Variants in ADCY9 observed in about 807,000 individuals in gnomAD.
The protein encoded by ADCY9 is adenylate cyclase 9.
A neutral mutation model predicts 101.5 loss-of-function variants in ADCY9; 50 were observed. That is an observed-to-expected ratio of 0.49 (90% CI 0.39 to 0.62). The LOEUF (loss-of-function observed/expected upper bound fraction) is 0.62, where lower values mean the gene tolerates loss of function less well. ADCY9 is among the 20% of genes least tolerant of loss of function. The pLI is 0.00. For missense variants in ADCY9, 1,662 were observed against 1,800.4 expected (o/e 0.92, Z 1.39); for synonymous variants, 905 against 769.3 (o/e 1.18, Z -2.92).
At chr16:4,014,640 G>A (rs1048037271) in intron 2 of ADCY9, among the ~76,000 whole-genome samples, 4 of 151,942 alleles carry the variant, frequency 2.6e-5, no homozygotes, top group African/African-American at 4.8e-5. Flanking sequence ...CAGAGAGGGG[G>A]TTTTGCCATG....
chr16:4,021,735 CCATTCTGG>C (rs2056478500), intron 2 of ADCY9, among the ~76,000 whole-genome samples: 1 of 152,192 alleles, frequency 6.6e-6, no homozygotes, highest in Admixed American at 6.5e-5. Flanking sequence ...TTGCCGACAT[CCATTCTGG>C]GTTTTTACTG....
rs767912207 is a variant in ADCY9, at chr16:3,965,801, T to G, written c.4036A>C (p.Lys1346Gln). ...CACACACTCTTTGAAACGTTGAGCT[T>G]GGTGAGTTCGTTGGCTTCTTCTATT... The part of the protein sequence containing the change: ...TGIEEANELT[K>Q]LNVSKSV The change falls in exon 11 of 11, where the codon AAG becomes CAG. Residue 1346 changes from lysine (K) to glutamine (Q), a missense_variant. By Grantham distance (53) the Lys-to-Gln change is moderately conservative. Transcript: ENST00000294016. 1.9e-6 allele frequency: 3 copies of G among 1,613,560 alleles called. No individual in the cohort carries two copies. The highest frequency in any genetic ancestry group is 4.5e-5 in the East Asian group (2 of 44,888).
chr16:3,963,657 G>A lies in ADCY9; in HGVS notation c.*2118C>T. The A allele has an allele frequency of 3.4e-6, 1 of 291,232 alleles. No individual in the cohort carries two copies. Among genetic ancestry groups the A allele is most frequent in the Non-Finnish European group, 6.3e-6 (1 of 158,086 alleles). The allele number at this position is 291,232 out of a possible 1,614,324, so 18.0% of individuals were successfully genotyped here. A position where few individuals can be genotyped will look rare whatever the true frequency, so the allele number is the denominator to read the frequency against. ...GGAAGAAGTGTGTGCGGAGAACTTTGCGGAGCATGTTCTGAGCGAGACAGC... is the reference window on the plus strand; with the variant it reads ...GGAAGAAGTGTGTGCGGAGAACTTTACGGAGCATGTTCTGAGCGAGACAGC... On this transcript the variant is annotated 3_prime_UTR_variant, in exon 11 of 11. Coordinates refer to ENST00000294016, the MANE Select transcript of ADCY9 (RefSeq NM_001116.4).
chr16:4,007,160 T>C (rs1341325989), intron 3 of ADCY9, among the ~76,000 whole-genome samples: 2 of 152,096 alleles, frequency 1.3e-5, no homozygotes, highest in Admixed American at 6.5e-5. Flanking sequence ...GGAAAGGCAA[T>C]GGAGGTGCGT....
intron 2 of ADCY9, among the ~76,000 whole-genome samples, chr16:4,059,585 T>C (rs1029630259): frequency 5.3e-5 from 8 of 151,620 alleles, no homozygotes; most frequent in Admixed American, 1.3e-4. Context: ...ATACAAAAAA[T>C]TGAAAAATGT....
chr16:4,027,641 C>T (rs1032195056), intron 2 of ADCY9, among the ~76,000 whole-genome samples: 2 of 152,094 alleles, frequency 1.3e-5, no homozygotes, highest in Non-Finnish European at 1.5e-5. Flanking sequence ...CTGTGGGAGG[C>T]CGAGGTGGGC....
Position 3,965,526 on chromosome 16 carries a change from C to T in ADCY9, c.*249G>A. 1.8e-6 allele frequency: 1 copy of T among 548,774 alleles called. No individual in the cohort carries two copies. The highest frequency in any genetic ancestry group is 3.2e-6 in the Non-Finnish European group (1 of 311,080). 34.0% of individuals were successfully genotyped at this position (548,774 alleles called of 1,614,324 possible). ...GAGGCCGAGGCCAGCCCTGAAGGCA[C>T]TTGTTCTCCACCACGTGCTGAACGG... On this transcript the variant is annotated 3_prime_UTR_variant, in exon 11 of 11. Transcript: ENST00000294016.
intron 4 of ADCY9, among the ~76,000 whole-genome samples, chr16:3,993,014 C>G (rs1324150640): frequency 2.6e-5 from 4 of 152,056 alleles, no homozygotes; most frequent in Non-Finnish European, 5.9e-5. Flanking sequence ...GCCACCGGCC[C>G]TAACTCCCAA....
At chr16:4,062,778 G>A (rs1272363475) in intron 2 of ADCY9, among the ~76,000 whole-genome samples, 1 of 152,042 alleles carries the variant, frequency 6.6e-6, no homozygotes, top group Non-Finnish European at 1.5e-5. Flanking sequence ...CAATAAAAGG[G>A]TCAACTCATG....
chr16:4,059,735 G>T (rs1415931441), intron 2 of ADCY9, among the ~76,000 whole-genome samples: 1 of 151,972 alleles, frequency 6.6e-6, no homozygotes, highest in Non-Finnish European at 1.5e-5. Flanking sequence ...CCGTCTCAAC[G>T]AAAAACAAAA....
chr16:4,065,524 C>A (rs527701681), intron 2 of ADCY9, among the ~76,000 whole-genome samples: 1 of 152,114 alleles, frequency 6.6e-6, no homozygotes, highest in Admixed American at 6.5e-5. Context: ...AGTCGAATGT[C>A]GCACGTCAAT....
intron 2 of ADCY9, among the ~76,000 whole-genome samples, chr16:4,039,572 G>A (rs765082231): frequency 2.8e-4 from 42 of 151,502 alleles, no homozygotes; most frequent in Non-Finnish European, 5.2e-4. Context: ...TCAACTACTC[G>A]GGACGCTGAG....
rs2055961375 is a variant in ADCY9 at position 3,963,751 on chromosome 16, T to C, written c.*2024A>G. Reference sequence around the variant, plus strand: ...GGAGGGGAAAGGGGAGGGGAGGACATTCAAATATACACCTTAATACTGATG... The same window carrying C: ...GGAGGGGAAAGGGGAGGGGAGGACACTCAAATATACACCTTAATACTGATG... On this transcript the variant is annotated 3_prime_UTR_variant, in exon 11 of 11. Transcript: ENST00000294016. 1 of 186,548 alleles carries C rather than the reference T, an allele frequency of 5.4e-6. No homozygotes were observed. The highest frequency in any genetic ancestry group is 2.3e-5 in the African/African-American group (1 of 42,664). 11.6% of individuals were successfully genotyped at this position (186,548 alleles called of 1,614,324 possible). A position where few individuals can be genotyped will look rare whatever the true frequency, so the allele number is the denominator to read the frequency against.
intron 2 of ADCY9, among the ~76,000 whole-genome samples, chr16:4,055,441 G>A (rs1352393154): frequency 6.6e-6 from 1 of 152,090 alleles, no homozygotes; most frequent in Non-Finnish European, 1.5e-5. Flanking sequence ...GGCTGAGACA[G>A]GAGAATTGCT....
intron 8 of ADCY9, among the ~76,000 whole-genome samples, chr16:3,977,980 G>C (rs964679780): frequency 1.3e-5 from 2 of 152,162 alleles, no homozygotes; most frequent in African/African-American, 2.4e-5. Context: ...GCCTCTCAAA[G>C]TGCCTGGGAT....
At chr16:3,953,992 A>G (rs541091135) in intron 5 of ADCY9, among the ~76,000 whole-genome samples, 21 of 152,306 alleles carry the variant, frequency 1.4e-4, no homozygotes, top group African/African-American at 4.8e-4. Context: ...CATCTCACGG[A>G]TGGCTGAATC....
At chr16:3,959,369 A>C (rs988107205), downstream of ADCY9, among the ~76,000 whole-genome samples, 5 of 82,464 alleles carry the variant, frequency 6.1e-5, no homozygotes, top group African/African-American at 1.4e-4. Context: ...TCTCAAAAAA[A>C]AAAAAAAAAA....
At chr16:3,980,256 C>T (rs928527086) in intron 7 of ADCY9, among the ~76,000 whole-genome samples, 5 of 148,712 alleles carry the variant, frequency 3.4e-5, no homozygotes, top group Non-Finnish European at 4.5e-5. Context: ...TAGCGGGCTT[C>T]GTTTCAGGAG....
chr16:4,098,516 G>A (rs536292582), intron 2 of ADCY9, among the ~76,000 whole-genome samples: 107 of 152,262 alleles, frequency 7.0e-4, no homozygotes, highest in African/African-American at 2.4e-3. Context: ...TTACAGGCAT[G>A]AGCCACTGTG....
Sources: allele counts gnomAD v4.1 joint callset (sites outside exome capture counted in the v4.1 genomes callset), GRCh38; gene constraint gnomAD v4.1.1; transcripts MANE v1.5; gene names NCBI Gene and HGNC (gene_info 2026-07-23, HGNC 2026-07-21).